NTSR1: variants seen among roughly 807,000 people sequenced by gnomAD.
NTSR1 encodes neurotensin receptor type 1.
A neutral mutation model predicts 31.2 loss-of-function variants in NTSR1; 29 were observed. The ratio of observed to expected loss-of-function variants is 0.93; its 90% CI spans 0.69 to 1.27. NTSR1 has a LOEUF of 1.27. NTSR1 is among the 50% of genes most tolerant of loss of function. The pLI, the probability that NTSR1 is intolerant of heterozygous loss-of-function variation, is 0.00. For synonymous variants in NTSR1, 282 were observed against 269.9 expected, an observed-to-expected ratio of 1.04 and a Z score of -0.44; for missense variants, 697 against 595.4, an observed-to-expected ratio of 1.17 and a Z score of -1.78.
intron 1 of NTSR1, among the ~76,000 whole-genome samples, chr20:62,739,194 G>A (rs972037894): frequency 1.3e-5 from 2 of 152,178 alleles, no homozygotes; most frequent in South Asian, 2.1e-4. Flanking sequence ...GGACACTTCC[G>A]GGCAGCAGGC....
At chr20:62,751,504 T>G (rs1184317477) in intron 1 of NTSR1, among the ~76,000 whole-genome samples, 1 of 152,250 alleles carries the variant, frequency 6.6e-6, no homozygotes, top group Non-Finnish European at 1.5e-5. Context: ...GGTGCCCCGC[T>G]TCACCGGTGC....
At chr20:62,730,384 G>T (rs184506362) in intron 1 of NTSR1, among the ~76,000 whole-genome samples, 1 of 152,096 alleles carries the variant, frequency 6.6e-6, no homozygotes, top group Non-Finnish European at 1.5e-5. Context: ...CTTTCCCTTC[G>T]CAGTATGTAG....
rs146693405 is a variant in NTSR1 at position 62,715,220 on chromosome 20, T to A, written c.714+5299T>A. Among the ~76,000 whole-genome samples the A allele has an allele frequency of 6.6e-6, 1 of 151,014 alleles. No homozygotes were observed. The highest frequency in any genetic ancestry group is 2.4e-5 in the African/African-American group (1 of 40,966). ...ATGGTGACTCTGAGGCTGTGGGGGGTGAGAGGGCAGGACAGGGAGGTGACC... is the reference window on the plus strand; with the variant it reads ...ATGGTGACTCTGAGGCTGTGGGGGGAGAGAGGGCAGGACAGGGAGGTGACC... On this transcript the variant is annotated intron_variant, in intron 1 of 3. Transcript: ENST00000370501. The surrounding 1 kb of genome is among the most constrained non-coding windows in gnomAD (Gnocchi z 4.7).
intron 1 of NTSR1, among the ~76,000 whole-genome samples, chr20:62,731,110 GT>G (rs973859676): frequency 6.6e-6 from 1 of 152,060 alleles, no homozygotes; most frequent in African/African-American, 2.4e-5. Flanking sequence ...TTGAGACGGA[GT>G]TTCGCTCTTG....
At chr20:62,750,820 C>T (rs544216695) in intron 1 of NTSR1, among the ~76,000 whole-genome samples, 3 of 152,066 alleles carry the variant, frequency 2.0e-5, no homozygotes, top group South Asian at 4.2e-4. Context: ...AGCTCGATGG[C>T]GGTGATCATT....
intron 1 of NTSR1, among the ~76,000 whole-genome samples, chr20:62,746,016 G>A (rs1568707901): frequency 6.6e-6 from 1 of 152,236 alleles, no homozygotes; most frequent in Non-Finnish European, 1.5e-5. Context: ...AGTCCCTCAA[G>A]GCCACCCTAT....
chr20:62,723,412 C>T (rs1988855397), intron 1 of NTSR1, among the ~76,000 whole-genome samples: 1 of 152,156 alleles, frequency 6.6e-6, no homozygotes, highest in Admixed American at 6.5e-5. Context: ...TCCGGAGCTG[C>T]GAATAGAGCC....
chr20:62,752,309 C>T (rs984327731), intron 1 of NTSR1, among the ~76,000 whole-genome samples: 5 of 152,216 alleles, frequency 3.3e-5, no homozygotes, highest in Non-Finnish European at 5.9e-5. Context: ...TTACCCAGAG[C>T]GGGAGAGATT....
intron 1 of NTSR1, among the ~76,000 whole-genome samples, chr20:62,729,927 A>T (rs966782259): frequency 6.6e-6 from 1 of 152,100 alleles, no homozygotes; most frequent in African/African-American, 2.4e-5. Flanking sequence ...CTGGCCATCT[A>T]AATTGTTATT....
In NTSR1 at chr20:62,709,936, C is replaced by A; in HGVS notation, c.714+15C>A. 6.4e-7 allele frequency: 1 copy of A among 1,557,236 alleles called. No individual in the cohort carries two copies. Among genetic ancestry groups the A allele is most frequent in the South Asian group, 1.2e-5 (1 of 84,754 alleles). On this transcript the variant is annotated intron_variant, in intron 1 of 3. Coordinates refer to ENST00000370501, the MANE Select transcript of NTSR1 (RefSeq NM_002531.3). ...TCGTCATACAGGTGAGCCTCAGTAA[C>A]CAGCCCCGGGGCTCCCCTCTCCTTC...
At chr20:62,730,902 G>C (rs1399316908) in intron 1 of NTSR1, among the ~76,000 whole-genome samples, 3 of 152,184 alleles carry the variant, frequency 2.0e-5, no homozygotes, top group Non-Finnish European at 4.4e-5. Context: ...TGTCTATTCA[G>C]ATGTTTTGCC....
At position 62,709,414 on chromosome 20, in the gene NTSR1, G is replaced by A; in HGVS notation, c.207G>A (p.Val69=). 9 of 1,611,138 alleles carry A rather than the reference G, an allele frequency of 5.6e-6. No individual in the cohort carries two copies. Among genetic ancestry groups the A allele is most frequent in the Non-Finnish European group, 7.6e-6 (9 of 1,178,636 alleles). ...ACTCCAAGGTGCTGGTGACCGCCGT[G>A]TACCTGGCGCTCTTCGTGGTGGGCA... is the stretch of plus-strand genomic sequence containing the variant. ...DIYSKVLVTA[V]YLALFVVGTV... Residue 69 remains valine (V), a synonymous_variant, in exon 1 of 4, where the codon GTG becomes GTA. Coordinates refer to ENST00000370501, the MANE Select transcript of NTSR1 (RefSeq NM_002531.3).
chr20:62,718,946 C>T (rs796829334), intron 1 of NTSR1, among the ~76,000 whole-genome samples: 19 of 152,176 alleles, frequency 1.2e-4, no homozygotes, highest in East Asian at 5.8e-4. Flanking sequence ...CTAAGCGATG[C>T]GCTGTTTTGA....
intron 2 of NTSR1, among the ~76,000 whole-genome samples, 188 bp downstream of exon 2, chr20:62,755,074 TTCCATCTATCCTTCCCTCCCTCCA>T (rs1568711144): frequency 1.4e-5 from 2 of 143,100 alleles, no homozygotes; most frequent in Non-Finnish European, 3.1e-5. Context: ...CCCTCCATCC[TTCCATCTATCCTTCCCTCCCTCCA>T]TCCATCCATC....
Position 62,709,561 on chromosome 20 carries a change from G to T in NTSR1, c.354G>T (p.Leu118=), listed in dbSNP as rs774143633. 5 of 1,611,802 alleles carry T rather than the reference G, an allele frequency of 3.1e-6. No homozygotes were observed. In the African/African-American group the frequency reaches 6.7e-5, roughly 22 times the overall value. ...LALSDLLTLL[L]AMPVELYNFI... is the part of the protein sequence containing the mutation. ...TGTCCGACCTGCTCACCCTGCTGCT[G>T]GCCATGCCCGTGGAGCTGTACAACT... The change falls in exon 1 of 4, where the codon CTG becomes CTT. Residue 118 remains leucine, a synonymous_variant. Coordinates refer to ENST00000370501, the MANE Select transcript of NTSR1 (RefSeq NM_002531.3).
At chr20:62,747,472 G>T (rs566075144) in intron 1 of NTSR1, among the ~76,000 whole-genome samples, 1 of 119,794 alleles carries the variant, frequency 8.3e-6, no homozygotes, top group Non-Finnish European at 1.7e-5. Flanking sequence ...CACACTCAGT[G>T]TAAAGGCCAC....
At position 62,742,672 on chromosome 20, in the gene NTSR1, C is replaced by A. The variant is rs1274876255; in HGVS notation, c.715-12013C>A. On this transcript the variant is annotated intron_variant, in intron 1 of 3. Coordinates refer to ENST00000370501, the MANE Select transcript of NTSR1 (RefSeq NM_002531.3). The surrounding 1 kb of genome is among the most constrained non-coding windows in gnomAD (Gnocchi z 7.1). ...GGTGGCCGCTGCTTTTCCCTGGGTC[C>A]CTCCATGGTGTCTCCTCTGAGGACA... Among the ~76,000 whole-genome samples the A allele has an allele frequency of 6.7e-6, 1 of 149,464 alleles. No homozygotes were observed. Among genetic ancestry groups the A allele is most frequent in the African/African-American group, 2.5e-5 (1 of 39,966 alleles).
At chr20:62,746,166 A>C (rs1600731773) in intron 1 of NTSR1, among the ~76,000 whole-genome samples, 1 of 152,152 alleles carries the variant, frequency 6.6e-6, no homozygotes, top group South Asian at 2.1e-4. Context: ...AGGCCCCCAC[A>C]CTACCCCAGC....
At chr20:62,726,607 A>G (rs1279459762) in intron 1 of NTSR1, among the ~76,000 whole-genome samples, 1 of 151,902 alleles carries the variant, frequency 6.6e-6, no homozygotes, top group East Asian at 1.9e-4. Flanking sequence ...AGGCAGGAGA[A>G]TCGCTTGAGC....
Sources: gnomAD v4.1 joint callset for allele counts (sites outside exome capture counted in the v4.1 genomes callset) on GRCh38, gnomAD v4.1.1 for gene constraint, Gnocchi (gnomAD v3.1) non-coding constraint, MANE v1.5 for transcripts, NCBI Gene and HGNC (gene_info 2026-07-23, HGNC 2026-07-21) for gene names.